POLDIP2: variants seen among roughly 807,000 people sequenced by gnomAD.
POLDIP2 encodes polymerase delta-interacting protein 2.
A neutral mutation model predicts 52.9 loss-of-function variants in POLDIP2; 32 were observed. That is an observed-to-expected ratio of 0.61 (90% CI 0.46 to 0.81). The LOEUF is 0.81. Among genes scored for constraint, POLDIP2 ranks in the 40% least tolerant of loss-of-function variants. The pLI is 0.00. For synonymous variants in POLDIP2, 183 were observed against 183.0 expected, an observed-to-expected ratio of 1.00 and a Z score of 0.00; for missense variants, 371 against 477.3, an observed-to-expected ratio of 0.78 and a Z score of 2.07.
intron 1 of POLDIP2, among the ~76,000 whole-genome samples, chr17:28,356,893 A>G (rs1908063419): frequency 6.6e-6 from 1 of 152,216 alleles, no homozygotes; most frequent in African/African-American, 2.4e-5. Flanking sequence ...TCCACACCCA[A>G]GAGTCTCGTT....
intron 9 of POLDIP2, among the ~76,000 whole-genome samples, chr17:28,350,183 T>G (rs1555579698): frequency 6.6e-6 from 1 of 152,216 alleles, no homozygotes; most frequent in Non-Finnish European, 1.5e-5. Context: ...TCACTTGGGT[T>G]TAAATTGAGG....
chr17:28,348,201 G>A lies in POLDIP2; in HGVS notation c.1023C>T (p.Gly341=), dbSNP rs782662871. 1 of 1,613,790 alleles carries A rather than the reference G, an allele frequency of 6.2e-7. No homozygotes were observed. The highest frequency in any genetic ancestry group is 2.2e-5 in the East Asian group (1 of 44,888). The part of the protein sequence containing the change: ...WGTFRFERPD[G]SHFDVRIPPF... ...GAGGAATCCGAACATCAAAGTGGGA[G>A]CCATCAGGTCTTTCAAAGCGGAACG... Residue 341 remains glycine, a synonymous_variant, in exon 11 of 11, where the codon GGC becomes GGT. Coordinates refer to ENST00000540200, the MANE Select transcript of POLDIP2 (RefSeq NM_015584.5).
At chr17:28,350,654 G>T in intron 8 of POLDIP2, 91 bp from the exon 9 acceptor site, 1 of 1,564,412 alleles carries the variant, frequency 6.4e-7, no homozygotes, top group Non-Finnish European at 8.8e-7. Flanking sequence ...CAACAAAGCT[G>T]ACACATGCAC....
chr17:28,356,321 G>A (rs1908026677), intron 1 of POLDIP2, among the ~76,000 whole-genome samples: 1 of 151,650 alleles, frequency 6.6e-6, no homozygotes, highest in South Asian at 2.1e-4. Context: ...CATTTCAGTT[G>A]TGTCCATGTC....
rs1362878322 is a variant in POLDIP2, at chr17:28,346,774, T to C, written c.*1343A>G. ...AGCCCAGGGGTAAGTAAACAAAGTATGGATGAAGGTCAGATTTTCTTGTCA... is the reference window on the plus strand; with the variant it reads ...AGCCCAGGGGTAAGTAAACAAAGTACGGATGAAGGTCAGATTTTCTTGTCA... On this transcript the variant is annotated 3_prime_UTR_variant, in exon 11 of 11. Coordinates refer to ENST00000540200, the MANE Select transcript of POLDIP2 (RefSeq NM_015584.5). The C allele has an allele frequency of 6.6e-6, 1 of 152,172 alleles. No individual in the cohort carries two copies. Among genetic ancestry groups the C allele is most frequent in the African/African-American group, 2.4e-5 (1 of 41,426 alleles). The allele number at this position is 152,172 out of a possible 1,614,324, so 9.4% of individuals were successfully genotyped here. A position where few individuals can be genotyped will look rare whatever the true frequency, so the allele number is the denominator to read the frequency against.
chr17:28,349,485 A>T (rs971259994), intron 9 of POLDIP2, among the ~76,000 whole-genome samples: 2 of 139,086 alleles, frequency 1.4e-5, no homozygotes, highest in African/African-American at 2.7e-5. Context: ...AAAAAAAAAA[A>T]TTTAAACTAA....
chr17:28,352,928 C>A lies in POLDIP2; in HGVS notation c.606G>T (p.Leu202=), dbSNP rs528582229. The change falls in exon 6 of 11, where the codon CTG becomes CTT. Residue 202 remains leucine (L), a synonymous_variant. Coordinates refer to ENST00000540200, the MANE Select transcript of POLDIP2 (RefSeq NM_015584.5). ...AGAGATTACCTTTTGTCTGGTCATA[C>A]AGAAGAAATCTTTCAAAGAGTTCAT... ...IQHELFERFL[L]YDQTKAPPFV... is the part of the protein sequence containing the mutation. 7 of 1,589,148 alleles carry A rather than the reference C, an allele frequency of 4.4e-6. No homozygotes were observed. In the South Asian group the frequency reaches 6.6e-5, roughly 15 times the overall value.
At chr17:28,357,160 G>C (rs1908079427) in intron 1 of POLDIP2, 128 bp downstream of exon 1, 2 of 912,636 alleles carry the variant, frequency 2.2e-6, no homozygotes, top group Non-Finnish European at 3.1e-6. Flanking sequence ...CTCCCTGCTC[G>C]GGACCCTCTC....
At position 28,351,829 on chromosome 17, in the gene POLDIP2, A is replaced by C. The variant is rs141873626; in HGVS notation, c.623-29T>G. 1,243 of 1,606,958 alleles carry C rather than the reference A, an allele frequency of 7.7e-4. 2 individuals carry two copies. Among genetic ancestry groups the C allele is most frequent in the Non-Finnish European group, 1.0e-3 (1,171 of 1,173,910 alleles). ...GGGCAAGATACAATTGGTTAGTCCA[A>C]TTGTGTGTTGTGGATACAATTGTAT... On this transcript the variant is annotated intron_variant, in intron 6 of 10. Coordinates refer to ENST00000540200, the MANE Select transcript of POLDIP2 (RefSeq NM_015584.5).
At position 28,346,919 on chromosome 17, in the gene POLDIP2, T is replaced by G. The variant is rs1907593326; in HGVS notation, c.*1198A>C. The G allele has an allele frequency of 1.3e-5, 2 of 152,198 alleles. No homozygotes were observed. Among genetic ancestry groups the G allele is most frequent in the Admixed American group, 6.5e-5 (1 of 15,284 alleles). 9.4% of individuals were successfully genotyped at this position (152,198 alleles called of 1,614,324 possible). ...GCGCAGGTCCTGGGCAGGAAAGAAT[T>G]TTTCCTTTATCACATAACTGTAATA... On this transcript the variant is annotated 3_prime_UTR_variant, in exon 11 of 11. Transcript: ENST00000540200.
chr17:28,352,850 T>G (rs1555580251), intron 6 of POLDIP2, 62 bp downstream of exon 6: 34 of 1,021,552 alleles, frequency 3.3e-5, no homozygotes. Flanking sequence ...TGGAATTATT[T>G]CTATGATATT....
At position 28,355,883 on chromosome 17, in the gene POLDIP2, A is replaced by G. The variant is rs1555580832; in HGVS notation, c.162-7T>C. 6.2e-7 allele frequency: 1 copy of G among 1,607,002 alleles called. No homozygotes were observed. The stretch of plus-strand genomic sequence containing the variant: ...TTTGCCCTCTGGTCGGTTTCTGAGT[A>G]GGAAGGAAAAGAACAAGCAACAGAA... On this transcript the variant is annotated splice_polypyrimidine_tract_variant and splice_region_variant and intron_variant, in intron 1 of 10. Transcript: ENST00000540200.
At position 28,348,084 on chromosome 17, in the gene POLDIP2, G is replaced by T; in HGVS notation, c.*33C>A. 2 of 1,307,312 alleles carry T rather than the reference G, an allele frequency of 1.5e-6. No individual in the cohort carries two copies. Among genetic ancestry groups the T allele is most frequent in the South Asian group, 1.2e-5 (1 of 84,788 alleles). The allele number at this position is 1,307,312 out of a possible 1,614,324, so 81.0% of individuals were successfully genotyped here. ...TGGGATGAGAGTTGTTCTTCCCGGTGACCAAGCCTGGGCACTTGGGGCCTC... is the reference window on the plus strand; with the variant it reads ...TGGGATGAGAGTTGTTCTTCCCGGTTACCAAGCCTGGGCACTTGGGGCCTC... On this transcript the variant is annotated 3_prime_UTR_variant, in exon 11 of 11. Coordinates refer to ENST00000540200, the MANE Select transcript of POLDIP2 (RefSeq NM_015584.5).
chr17:28,350,531 G>C lies in POLDIP2; in HGVS notation c.819C>G (p.Asp273Glu). 1 of 1,613,826 alleles carries C rather than the reference G, an allele frequency of 6.2e-7. No homozygotes were observed. The highest frequency in any genetic ancestry group is 2.2e-5 in the East Asian group (1 of 44,882). ...GCTCCCGGAGCTGTACCACATCACT[G>C]TCAAGGTTCTCCAAACGGATACAGT... ...WRYCIRLENL[D>E]SDVVQLRERH... The change falls in exon 9 of 11, where the codon GAC becomes GAG. Residue 273 changes from aspartate to glutamate, a missense_variant. By Grantham distance (45) the Asp-to-Glu change is conservative. Coordinates refer to ENST00000540200, the MANE Select transcript of POLDIP2 (RefSeq NM_015584.5).
At position 28,357,494 on chromosome 17, in the gene POLDIP2, G is replaced by A. The variant is rs782506401; in HGVS notation, c.-46C>T. 7 of 1,431,120 alleles carry A rather than the reference G, an allele frequency of 4.9e-6. No homozygotes were observed. The highest frequency in any genetic ancestry group is 4.5e-5 in the African/African-American group (3 of 67,252). 88.7% of individuals were successfully genotyped at this position (1,431,120 alleles called of 1,614,324 possible). ...CGGCTGCTGACACAGAGCCCGACCC[G>A]CGGCCGGGCGGCGTTCCGCCCCAGT... On this transcript the variant is annotated 5_prime_UTR_variant, in exon 1 of 11. Transcript: ENST00000540200.
At position 28,348,217 on chromosome 17, in the gene POLDIP2, A is replaced by G. The variant is rs1417608424; in HGVS notation, c.1007T>C (p.Phe336Ser). Residue 336 changes from phenylalanine (F) to serine (S), a missense_variant, in exon 11 of 11, where the codon TTT (phenylalanine) becomes TCT (serine). By Grantham distance (155) the Phe-to-Ser change is radical. Transcript: ENST00000540200. ...AAAGTGGGAGCCATCAGGTCTTTCAAAGCGGAACGTGCCCCTACAGTCAGA... is the reference window on the plus strand; with the variant it reads ...AAAGTGGGAGCCATCAGGTCTTTCAGAGCGGAACGTGCCCCTACAGTCAGA... Reference protein sequence around the residue: ...SSGHMWGTFRFERPDGSHFDV... With the variant: ...SSGHMWGTFRSERPDGSHFDV... The G allele has an allele frequency of 3.7e-6, 6 of 1,612,778 alleles. No homozygotes were observed. Among genetic ancestry groups the G allele is most frequent in the Non-Finnish European group, 5.1e-6 (6 of 1,178,902 alleles).
chr17:28,350,389 C>T (rs782344972), intron 9 of POLDIP2, 49 bp downstream of exon 9: 1 of 1,549,830 alleles, frequency 6.5e-7, no homozygotes, highest in Admixed American at 1.9e-5. Context: ...TGCGCTAAGC[C>T]CCCAGGCTTG....
Position 28,357,336 on chromosome 17 carries a change from G to T in POLDIP2, c.113C>A (p.Ala38Asp), listed in dbSNP as rs1169458868. The change falls in exon 1 of 11, where the codon GCC (alanine) becomes GAC (aspartate). Residue 38 changes from alanine to aspartate, a missense_variant. Ala to Asp is a moderately radical substitution (Grantham distance 126, BLOSUM62 -2). Transcript: ENST00000540200. ...RPLCAAAGAGAFSPASTTTTR... is the reference protein window; with the variant it reads ...RPLCAAAGAGDFSPASTTTTR... ...CGTCGTGGTCGACGCTGGCGAGAAG[G>T]CTCCAGCTCCGGCCGCCGCACAGAG... The T allele has an allele frequency of 6.3e-7, 1 of 1,576,674 alleles. No homozygotes were observed. The highest frequency in any genetic ancestry group is 1.4e-5 in the African/African-American group (1 of 72,318).
At chr17:28,354,618 A>G (rs1907946272) in intron 2 of POLDIP2, 33 bp from the exon 3 acceptor site, 1 of 1,429,588 alleles carries the variant, frequency 7.0e-7, no homozygotes, top group Non-Finnish European at 9.7e-7. Context: ...GTGAGTCTGC[A>G]GTCCAGCAAA....
Sources: allele counts gnomAD v4.1 joint callset (sites outside exome capture counted in the v4.1 genomes callset), GRCh38; gene constraint gnomAD v4.1.1; transcripts MANE v1.5; gene names NCBI Gene and HGNC (gene_info 2026-07-23, HGNC 2026-07-21).